TBC1D2B: variants seen among roughly 807,000 people sequenced by gnomAD.
TBC1D2B encodes the protein TBC1 domain family, member 2B.
Under a neutral mutation model 100.8 loss-of-function variants are expected in TBC1D2B, and 64 were observed. The observed-to-expected ratio is 0.64, with a 90% CI of 0.52 to 0.78. TBC1D2B has a LOEUF of 0.78. Among genes scored for constraint, TBC1D2B ranks in the 30% least tolerant of loss-of-function variants. The pLI is 0.00. For synonymous variants in TBC1D2B, 480 were observed against 479.7 expected (o/e 1.00, Z -0.01); for missense variants, 1,052 against 1,218.4 (o/e 0.86, Z 2.03).
intron 1 of TBC1D2B, among the ~76,000 whole-genome samples, chr15:78,076,672 AG>A (rs1419669050): frequency 6.6e-6 from 1 of 152,110 alleles, no homozygotes; most frequent in Non-Finnish European, 1.5e-5. Context: ...GGATCTCTTG[AG>A]CCCAGGCATG....
At chr15:78,025,989 C>A (rs1351596424) in intron 4 of TBC1D2B, among the ~76,000 whole-genome samples, 1 of 151,406 alleles carries the variant, frequency 6.6e-6, no homozygotes, top group Non-Finnish European at 1.5e-5. Context: ...AACCAACATG[C>A]TTCAGCCAGA....
chr15:78,052,085 G>C (rs2073325111), intron 2 of TBC1D2B, among the ~76,000 whole-genome samples: 1 of 152,148 alleles, frequency 6.6e-6, no homozygotes, highest in Admixed American at 6.5e-5. Context: ...CCCAGCTCTG[G>C]CTCTGGGTCC....
Position 78,037,965 on chromosome 15 carries a change from GA to G in TBC1D2B, c.683+6934del, listed in dbSNP as rs552534933. On this transcript the variant is annotated intron_variant, in intron 3 of 12. Transcript: ENST00000300584. ...TCCTGCCCAGGAAGCCAAACAGAAA[GA>G]AAAGTGCTGAGAGGAACTGTCGTCC... is the stretch of plus-strand genomic sequence containing the variant. 1.5e-4 allele frequency among the ~76,000 whole-genome samples: 23 copies of G among 152,288 alleles called. 1 individual carries two copies. In the South Asian group the frequency reaches 4.8e-3, roughly 32 times the overall value.
chr15:78,011,386 G>T (rs575619256), intron 9 of TBC1D2B, among the ~76,000 whole-genome samples: 1 of 152,182 alleles, frequency 6.6e-6, no homozygotes, highest in South Asian at 2.1e-4. Context: ...ACAAACGTCA[G>T]CACTCAGAAC....
At chr15:78,066,165 T>G (rs1177164168) in intron 1 of TBC1D2B, 1 of 448,134 alleles carries the variant, frequency 2.2e-6, no homozygotes, top group Non-Finnish European at 4.7e-6. Context: ...CCAGCCACCA[T>G]GATCAGCAAA....
rs58565965 is a variant in TBC1D2B, at chr15:78,044,669, T to C, written c.683+231A>G. ...CAGCCATATGACCTACTTCACAGAG[T>C]TGAGCAATTAAATTAAACCGTTTAA... On this transcript the variant is annotated intron_variant, in intron 3 of 12. Transcript: ENST00000300584. Among the ~76,000 whole-genome samples the C allele has an allele frequency of 4.4e-3, 672 of 152,272 alleles. 6 individuals carry two copies. Among genetic ancestry groups the C allele is most frequent in the African/African-American group, 0.016 (648 of 41,544 alleles).
intron 2 of TBC1D2B, among the ~76,000 whole-genome samples, chr15:78,045,373 C>T (rs2073174371): frequency 6.6e-6 from 1 of 152,184 alleles, no homozygotes; most frequent in Non-Finnish European, 1.5e-5. Flanking sequence ...ACCAATAACC[C>T]TCACCATAAA....
Position 78,003,373 on chromosome 15 carries a change from A to G in TBC1D2B, c.2506T>C (p.Phe836Leu), listed in dbSNP as rs373742398. The change falls in exon 11 of 13, where the codon TTT (phenylalanine) becomes CTT (leucine). Residue 836 changes from phenylalanine to leucine, a missense_variant. Coordinates refer to ENST00000300584, the MANE Select transcript of TBC1D2B (RefSeq NM_144572.2). ...LITFNWFLVVFVDSVVSDILF... is the reference protein window; with the variant it reads ...LITFNWFLVVLVDSVVSDILF... The stretch of plus-strand genomic sequence containing the variant: ...ATGTCACTAACGACACTATCCACAA[A>G]TACCACCAGAAACCAGTTGAAAGTG... The G allele has an allele frequency of 1.2e-6, 2 of 1,613,824 alleles. No homozygotes were observed. The highest frequency in any genetic ancestry group is 2.7e-5 in the African/African-American group (2 of 74,944).
intron 10 of TBC1D2B, 196 bp from the exon 11 acceptor site, chr15:78,003,686 C>T: frequency 1.9e-6 from 1 of 534,170 alleles, no homozygotes; most frequent in South Asian, 2.7e-5. Flanking sequence ...ACTGCAGGTA[C>T]ACACCGAGTG....
intron 12 of TBC1D2B, among the ~76,000 whole-genome samples, chr15:78,001,218 C>G (rs559321667): frequency 1.3e-5 from 2 of 152,326 alleles, no homozygotes; most frequent in Middle Eastern, 3.4e-3. Flanking sequence ...GGCCTGGGAT[C>G]CCTCTACCAC....
chr15:78,072,745 T>A (rs1409718430), intron 1 of TBC1D2B, among the ~76,000 whole-genome samples: 1 of 152,208 alleles, frequency 6.6e-6, no homozygotes, highest in African/African-American at 2.4e-5. Context: ...CAAGGCTGTT[T>A]AAGCTTCACC....
intron 2 of TBC1D2B, among the ~76,000 whole-genome samples, chr15:78,048,118 C>T (rs2073236584): frequency 6.6e-6 from 1 of 152,102 alleles, no homozygotes; most frequent in South Asian, 2.1e-4. Flanking sequence ...AACCCACAGC[C>T]CATACTGGAA....
At position 77,995,717 on chromosome 15, in the gene TBC1D2B, C is replaced by G. The variant is rs1282116840; in HGVS notation, c.*2443G>C. ...TCCTAGCAGGTGTTGGGAGGGAGCT[C>G]CCCTCGGTCCTGGTGCGCACGTTTG... On this transcript the variant is annotated 3_prime_UTR_variant, in exon 13 of 13. Transcript: ENST00000300584. 1 of 152,508 alleles carries G rather than the reference C, an allele frequency of 6.6e-6. No homozygotes were observed. Among genetic ancestry groups the G allele is most frequent in the Non-Finnish European group, 1.5e-5 (1 of 68,076 alleles). 9.4% of individuals were successfully genotyped at this position (152,508 alleles called of 1,614,324 possible).
At chr15:78,053,501 A>G (rs2073357805) in intron 2 of TBC1D2B, among the ~76,000 whole-genome samples, 1 of 152,214 alleles carries the variant, frequency 6.6e-6, no homozygotes, top group Non-Finnish European at 1.5e-5. Flanking sequence ...TGTTCTTTCT[A>G]GAGGTTATCT....
chr15:78,050,412 G>GT (rs555796294), intron 2 of TBC1D2B, among the ~76,000 whole-genome samples: 193 of 152,286 alleles, frequency 1.3e-3, no homozygotes, highest in African/African-American at 4.5e-3. Flanking sequence ...CTTTCAAGAA[G>GT]TTTTTTAAAA....
chr15:78,052,104 C>T (rs2073325439), intron 2 of TBC1D2B, among the ~76,000 whole-genome samples: 1 of 152,136 alleles, frequency 6.6e-6, no homozygotes, highest in Non-Finnish European at 1.5e-5. Context: ...CCCAGGTGTG[C>T]CCCCAGGTTC....
At chr15:78,061,999 C>T (rs1441591718) in intron 1 of TBC1D2B, among the ~76,000 whole-genome samples, 1 of 152,112 alleles carries the variant, frequency 6.6e-6, no homozygotes, top group African/African-American at 2.4e-5. Flanking sequence ...AAAATGAATG[C>T]CATGTGCACC....
At chr15:78,002,150 G>C (rs1049352277) in intron 11 of TBC1D2B, among the ~76,000 whole-genome samples, 1 of 152,108 alleles carries the variant, frequency 6.6e-6, no homozygotes, top group African/African-American at 2.4e-5. Flanking sequence ...ATCTCAACTG[G>C]TGCACTTTTG....
At chr15:78,034,608 G>A in intron 3 of TBC1D2B, 1 of 984,078 alleles carries the variant, frequency 1.0e-6, no homozygotes, top group Non-Finnish European at 1.2e-6. Flanking sequence ...ACTTAGAACT[G>A]CCACACACCC....
Sources: allele counts gnomAD v4.1 joint callset (sites outside exome capture counted in the v4.1 genomes callset), GRCh38; gene constraint gnomAD v4.1.1; transcripts MANE v1.5; gene names NCBI Gene and HGNC (gene_info 2026-07-23, HGNC 2026-07-21).